The following UBTD2 variants were observed in gnomAD, a reference collection of about 807,000 sequenced individuals.
UBTD2 encodes the protein ubiquitin domain-containing protein 2.
Under a neutral mutation model 19.8 loss-of-function variants are expected in UBTD2, and 9 were observed. The observed-to-expected ratio is 0.46, with a 90% CI of 0.27 to 0.79. The LOEUF is 0.79. UBTD2 is among the 30% of genes least tolerant of loss of function. The probability of loss-of-function intolerance (pLI) is 0.14; values close to 1 mark genes in which losing one functional copy is unlikely to be tolerated. For missense variants in UBTD2, 250 were observed against 300.4 expected (o/e 0.83, Z 1.24); for synonymous variants, 98 against 103.9 (o/e 0.94, Z 0.35).
intron 1 of UBTD2, chr5:172,255,484 GT>G: frequency 5.4e-6 from 2 of 368,676 alleles, no homozygotes; most frequent in South Asian, 2.6e-5. Flanking sequence ...GAGAGGTGTG[GT>G]TAGGGACGCC....
intron 2 of UBTD2, among the ~76,000 whole-genome samples, chr5:172,222,732 C>G (rs537551620): frequency 6.6e-6 from 1 of 152,180 alleles, no homozygotes; most frequent in Admixed American, 6.5e-5. Context: ...TAGAGAATAC[C>G]ATGGGATCTT....
chr5:172,273,108 T>A (rs28521733), intron 1 of UBTD2, among the ~76,000 whole-genome samples: 3,101 of 78,828 alleles, frequency 0.039, 143 homozygotes, highest in African/African-American at 0.12. Context: ...AAAATAAAAA[T>A]AAAAATCTGT....
At chr5:172,235,572 T>C (rs1456095767) in intron 1 of UBTD2, among the ~76,000 whole-genome samples, 3 of 152,196 alleles carry the variant, frequency 2.0e-5, no homozygotes, top group Admixed American at 2.0e-4. Context: ...TACCCTACCC[T>C]AGTTTCAACC....
chr5:172,251,985 G>A (rs34291595), intron 1 of UBTD2, among the ~76,000 whole-genome samples: 9,639 of 152,270 alleles, frequency 0.063, 392 homozygotes, highest in South Asian at 0.12. Context: ...AAGATTTAAC[G>A]AGGTAATATT....
chr5:172,274,118 T>G (rs1158151103), intron 1 of UBTD2, among the ~76,000 whole-genome samples: 2 of 146,994 alleles, frequency 1.4e-5, no homozygotes, highest in Admixed American at 1.4e-4. Context: ...GTCCTCCTCA[T>G]GCTCAATTTT....
At chr5:172,274,437 C>T (rs1291172789) in intron 1 of UBTD2, among the ~76,000 whole-genome samples, 1 of 152,090 alleles carries the variant, frequency 6.6e-6, no homozygotes. Flanking sequence ...CTGCACCTGG[C>T]TGTTTTACTC....
chr5:172,233,004 G>A (rs1339643701), intron 2 of UBTD2, among the ~76,000 whole-genome samples: 2 of 152,138 alleles, frequency 1.3e-5, no homozygotes, highest in Non-Finnish European at 2.9e-5. Context: ...AGCCAGGCAT[G>A]GTGGGGAAGC....
chr5:172,219,838 T>C (rs1771617172), intron 2 of UBTD2, among the ~76,000 whole-genome samples: 1 of 152,216 alleles, frequency 6.6e-6, no homozygotes, highest in Non-Finnish European at 1.5e-5. Context: ...ATTACATTTG[T>C]GGGTGGAAGA....
chr5:172,245,888 T>C (rs994396476), intron 1 of UBTD2, among the ~76,000 whole-genome samples: 4 of 152,178 alleles, frequency 2.6e-5, no homozygotes, highest in African/African-American at 9.7e-5. Context: ...GCAGGATTGA[T>C]TGCCTGCTGA....
In UBTD2 at chr5:172,269,806, G is replaced by A. The variant is rs146859230; in HGVS notation, c.70+13790C>T. Among the ~76,000 whole-genome samples the A allele has an allele frequency of 7.0e-4, 105 of 150,058 alleles. 1 individual carries two copies. In the East Asian group the frequency reaches 0.021, roughly 30 times the overall value. On this transcript the variant is annotated intron_variant, in intron 1 of 2. Coordinates refer to ENST00000393792, the MANE Select transcript of UBTD2 (RefSeq NM_152277.3). ...TTAAGAGTCAGGGTAGGCCAGGCAC[G>A]GTGGCTCATGCCTGTAATCCCAGCA...
chr5:172,253,109 A>G (rs1375783920), intron 1 of UBTD2, among the ~76,000 whole-genome samples: 2 of 152,160 alleles, frequency 1.3e-5, no homozygotes, highest in Non-Finnish European at 2.9e-5. Context: ...AGCTCAGTGC[A>G]GACTCAAACT....
chr5:172,241,489 G>A (rs1211224962), intron 1 of UBTD2, among the ~76,000 whole-genome samples: 1 of 150,374 alleles, frequency 6.7e-6, no homozygotes, highest in African/African-American at 2.4e-5. Context: ...GATGCAGAAT[G>A]AGACAGAATA....
chr5:172,238,260 G>A (rs1772051996), intron 1 of UBTD2, among the ~76,000 whole-genome samples: 1 of 152,142 alleles, frequency 6.6e-6, no homozygotes, highest in Non-Finnish European at 1.5e-5. Flanking sequence ...TAGCATATAG[G>A]ACTAGGTACC....
chr5:172,255,581 A>AGG, intron 1 of UBTD2: 1 of 255,746 alleles, frequency 3.9e-6, no homozygotes, highest in South Asian at 5.5e-5. Flanking sequence ...CGTTGACGGC[A>AGG]GGGGACAAGG....
chr5:172,244,885 C>T lies in UBTD2; in HGVS notation c.71-10527G>A, dbSNP rs28628785. Reference sequence around the variant, plus strand: ...CTGAGATTACAGGCACCTGCCACCACGCCCGGCTAATTTTCGTATTTTTAG... The same window carrying T: ...CTGAGATTACAGGCACCTGCCACCATGCCCGGCTAATTTTCGTATTTTTAG... On this transcript the variant is annotated intron_variant, in intron 1 of 2. Transcript: ENST00000393792. Among the ~76,000 whole-genome samples, 1,458 of 152,126 alleles carry T rather than the reference C, an allele frequency of 9.6e-3. 32 individuals carry two copies. The highest frequency in any genetic ancestry group is 0.033 in the African/African-American group (1,367 of 41,490).
intron 2 of UBTD2, among the ~76,000 whole-genome samples, chr5:172,228,838 C>CT (rs1416287593): frequency 6.6e-6 from 1 of 152,022 alleles, no homozygotes; most frequent in East Asian, 1.9e-4. Context: ...ATAACATGCT[C>CT]TTTATACTAT....
At chr5:172,237,180 G>A (rs1445766783) in intron 1 of UBTD2, among the ~76,000 whole-genome samples, 13 of 152,180 alleles carry the variant, frequency 8.5e-5, no homozygotes, top group East Asian at 7.7e-4. Context: ...TGCAACCTCC[G>A]CCTCCTGGGT....
intron 1 of UBTD2, among the ~76,000 whole-genome samples, chr5:172,272,801 C>T (rs1234526013): frequency 6.6e-6 from 1 of 152,080 alleles, no homozygotes; most frequent in African/African-American, 2.4e-5. Context: ...TCCAAAGAGG[C>T]CAGGTGCGGT....
Position 172,211,715 on chromosome 5 carries a change from C to T in UBTD2, c.*115G>A. On this transcript the variant is annotated 3_prime_UTR_variant, in exon 3 of 3. Transcript: ENST00000393792. ...CACTGGTAATTCCTCAGAACTAAAT[C>T]CATTCATAGGGAATTTAGAGCAGTG... 2.6e-6 allele frequency: 3 copies of T among 1,154,480 alleles called. No homozygotes were observed. Among genetic ancestry groups the T allele is most frequent in the Non-Finnish European group, 3.5e-6 (3 of 856,808 alleles). 71.5% of individuals were successfully genotyped at this position (1,154,480 alleles called of 1,614,324 possible). A position where few individuals can be genotyped will look rare whatever the true frequency, so the allele number is the denominator to read the frequency against.
Sources: gnomAD v4.1 joint callset for allele counts (sites outside exome capture counted in the v4.1 genomes callset) on GRCh38, gnomAD v4.1.1 for gene constraint, MANE v1.5 for transcripts, NCBI Gene and HGNC (gene_info 2026-07-23, HGNC 2026-07-21) for gene names.